USP6: variants seen among roughly 807,000 people sequenced by gnomAD.
USP6 encodes the protein ubiquitin specific peptidase 6.
USP6 carries 128 observed loss-of-function variants against 175.7 expected under a neutral mutation model. The ratio of observed to expected loss-of-function variants is 0.73; its 90% CI spans 0.63 to 0.84. The LOEUF (loss-of-function observed/expected upper bound fraction) is 0.84. USP6 is among the 40% of genes least tolerant of loss of function. The probability of loss-of-function intolerance (pLI) is 0.00; values close to 1 mark genes in which losing one functional copy is unlikely to be tolerated. For synonymous variants in USP6, 562 were observed against 630.6 expected, an observed-to-expected ratio of 0.89 and a Z score of 1.63; for missense variants, 1,498 against 1,760.3, an observed-to-expected ratio of 0.85 and a Z score of 2.67.
intron 16 of USP6, among the ~76,000 whole-genome samples, chr17:5,135,523 A>T (rs2073225040): frequency 6.6e-6 from 1 of 152,180 alleles, no homozygotes; most frequent in Non-Finnish European, 1.5e-5. Flanking sequence ...CCTGACCACC[A>T]CTTCTCAGAA....
chr17:5,139,054 C>A (rs1567788914), intron 21 of USP6: 4 of 1,586,652 alleles, frequency 2.5e-6, no homozygotes, highest in Non-Finnish European at 3.4e-6. Flanking sequence ...AGCCACCCAC[C>A]ATGCCCCAAC....
At chr17:5,172,194 A>G (rs569556384) in intron 37 of USP6, among the ~76,000 whole-genome samples, 2 of 148,318 alleles carry the variant, frequency 1.3e-5, no homozygotes, top group South Asian at 2.2e-4. Context: ...AAAAAAAAGT[A>G]GTTAGTTAAT....
chr17:5,164,155 A>G (rs940462389), intron 33 of USP6, among the ~76,000 whole-genome samples: 3 of 152,176 alleles, frequency 2.0e-5, no homozygotes, highest in African/African-American at 7.2e-5. Context: ...TTCCTTTACT[A>G]GTTTTTAAAG....
At chr17:5,156,315 T>C (rs1056039777) in intron 31 of USP6, among the ~76,000 whole-genome samples, 98 of 151,990 alleles carry the variant, frequency 6.4e-4, no homozygotes, top group Non-Finnish European at 1.1e-3. Context: ...TTTTTTTTTT[T>C]CTTTTCTTTA....
At chr17:5,125,662 G>T (rs116362784) in intron 5 of USP6, among the ~76,000 whole-genome samples, 159 bp from the exon 6 acceptor site, 4 of 129,016 alleles carry the variant, frequency 3.1e-5, no homozygotes, top group Non-Finnish European at 3.2e-5. Context: ...ACACAAACAC[G>T]CACACACACG....
Position 5,145,394 on chromosome 17 carries a change from T to C in USP6, c.1993-11T>C. 6.4e-7 allele frequency: 1 copy of C among 1,559,186 alleles called. No individual in the cohort carries two copies. Among genetic ancestry groups the C allele is most frequent in the Non-Finnish European group, 8.7e-7 (1 of 1,154,646 alleles). The stretch of plus-strand genomic sequence containing the variant: ...ATTTTGAGAGAAAATTCTCATCTTT[T>C]TTATTGCTAGGCCTGGGACAACCAT... On this transcript the variant is annotated splice_polypyrimidine_tract_variant and intron_variant, in intron 26 of 37. Transcript: ENST00000574788.
intron 22 of USP6, among the ~76,000 whole-genome samples, chr17:5,140,832 A>G (rs2073424154): frequency 6.6e-6 from 1 of 152,132 alleles, no homozygotes; most frequent in Non-Finnish European, 1.5e-5. Flanking sequence ...GTGGGCAGGG[A>G]TTTTCAAACT....
At chr17:5,146,311 A>G in intron 28 of USP6, 137 bp downstream of exon 28, 2 of 1,293,660 alleles carry the variant, frequency 1.5e-6, no homozygotes, top group Non-Finnish European at 2.1e-6. Flanking sequence ...ACAACAAAAA[A>G]TGCCAAGTTT....
intron 32 of USP6, among the ~76,000 whole-genome samples, 189 bp from the exon 33 acceptor site, chr17:5,162,695 T>C (rs1322389301): frequency 6.6e-6 from 1 of 152,220 alleles, no homozygotes; most frequent in African/African-American, 2.4e-5. Context: ...AAAAGCATGA[T>C]TCCCTGAAAT....
At chr17:5,150,501 T>TC (rs962800523) in intron 30 of USP6, among the ~76,000 whole-genome samples, 1 of 148,784 alleles carries the variant, frequency 6.7e-6, no homozygotes, top group Admixed American at 6.7e-5. Context: ...AATATATCTT[T>TC]TTTTTTTTTT....
intron 11 of USP6, among the ~76,000 whole-genome samples, chr17:5,131,112 C>A (rs1350731627): frequency 6.6e-6 from 1 of 152,148 alleles, no homozygotes; most frequent in East Asian, 1.9e-4. Flanking sequence ...GGCCCCTGTC[C>A]TCCTCCATTT....
chr17:5,136,063 T>C, intron 17 of USP6, 135 bp downstream of exon 17: 3 of 1,505,496 alleles, frequency 2.0e-6, no homozygotes, highest in Non-Finnish European at 2.7e-6. Context: ...ACGTCTCTGC[T>C]GAGGGTCCCA....
At position 5,130,283 on chromosome 17, in the gene USP6, C is replaced by T. The variant is rs184745525; in HGVS notation, c.-1-84C>T. ...GAATGAAGGTTATACAACCAGCCAG[C>T]ATCTGGGAGCCCGGTGGGAGCGGTT... On this transcript the variant is annotated intron_variant, in intron 9 of 37. Transcript: ENST00000574788. 3.4e-5 allele frequency: 47 copies of T among 1,379,118 alleles called. No individual in the cohort carries two copies. In the African/African-American group the frequency reaches 6.1e-4, roughly 18 times the overall value. 85.4% of individuals were successfully genotyped at this position (1,379,118 alleles called of 1,614,324 possible).
chr17:5,151,664 G>A (rs1019661938), intron 30 of USP6, among the ~76,000 whole-genome samples: 3 of 152,156 alleles, frequency 2.0e-5, no homozygotes, highest in Non-Finnish European at 2.9e-5. Context: ...AGACCACTGG[G>A]ATAGAATAGA....
chr17:5,118,054 G>A (rs1043523763), intron 1 of USP6, 146 bp from the exon 2 acceptor site: 1 of 149,496 alleles, frequency 6.7e-6, no homozygotes, highest in Admixed American at 6.6e-5. Flanking sequence ...GGGCAACAGA[G>A]TGGGACTCCG....
Position 5,139,303 on chromosome 17 carries a change from G to T in USP6, c.1127G>T (p.Arg376Leu), listed in dbSNP as rs1159208593. 1 of 1,608,620 alleles carries T rather than the reference G, an allele frequency of 6.2e-7. No homozygotes were observed. The highest frequency in any genetic ancestry group is 1.1e-5 in the South Asian group (1 of 91,074). ...GCACCCAGGCCTGTGCCGGCTTCAC[G>T]TGGTGGGAAGACCCTCTGCAAGGGG... ...SLAPRPVPAS[R>L]GGKTLCKGYR... Residue 376 changes from arginine (R) to leucine (L), a missense_variant, in exon 22 of 38, where the codon CGT becomes CTT. Physicochemically the swap from Arg to Leu is moderately radical, Grantham distance 102. Transcript: ENST00000574788.
chr17:5,136,245 G>C (rs994315668), intron 17 of USP6, among the ~76,000 whole-genome samples: 2 of 152,204 alleles, frequency 1.3e-5, no homozygotes, highest in African/African-American at 4.8e-5. Context: ...CCCTCCAGCT[G>C]CCTGGGCTCC....
Position 5,158,614 on chromosome 17 carries a change from G to GGAGAGAGAGAGAGAGAGAGAGAGAGA in USP6, c.2829-2881_2829-2856dup, listed in dbSNP as rs71151843. Among the ~76,000 whole-genome samples the GGAGAGAGAGAGAGAGAGAGAGAGAGA allele has an allele frequency of 1.5e-4, 4 of 26,356 alleles. 2 individuals are homozygous for GGAGAGAGAGAGAGAGAGAGAGAGAGA. Among genetic ancestry groups the GGAGAGAGAGAGAGAGAGAGAGAGAGA allele is most frequent in the Admixed American group, 1.1e-3 (2 of 1,872 alleles). 17.3% of individuals were successfully genotyped at this position (26,356 alleles called of 152,430 possible). A position where few individuals can be genotyped will look rare whatever the true frequency, so the allele number is the denominator to read the frequency against. ...GAGAGAGAGAGAGAGAGGGAGAGGG[G>GGAGAGAGAGAGAGAGAGAGAGAGAGA]GAGAGAGAGAGAGAGAGAGAGAGAG... On this transcript the variant is annotated intron_variant, in intron 31 of 37. Coordinates refer to ENST00000574788, the MANE Select transcript of USP6 (RefSeq NM_001304284.2).
chr17:5,137,158 G>A lies in USP6; in HGVS notation c.797G>A (p.Gly266Asp), dbSNP rs1302326141. 6.2e-7 allele frequency: 1 copy of A among 1,613,426 alleles called. No homozygotes were observed. The highest frequency in any genetic ancestry group is 8.5e-7 in the Non-Finnish European group (1 of 1,179,598). Residue 266 changes from glycine (G) to aspartate (D), a missense_variant, in exon 19 of 38, where the codon GGC becomes GAC. By Grantham distance (94) the Gly-to-Asp change is moderately conservative (BLOSUM62 -1). Coordinates refer to ENST00000574788, the MANE Select transcript of USP6 (RefSeq NM_001304284.2). ...CTATGCGGGCAGTGTGCCTCGTTAG[G>A]CTGCCTTCTCCGGAACCTGATTGAC... ...EGLCGQCASL[G>D]CLLRNLIDGI...
Sources: gnomAD v4.1 joint callset for allele counts (sites outside exome capture counted in the v4.1 genomes callset) on GRCh38, gnomAD v4.1.1 for gene constraint, MANE v1.5 for transcripts, NCBI Gene and HGNC (gene_info 2026-07-23, HGNC 2026-07-21) for gene names.